Variants in FAM135B observed in about 807,000 individuals in gnomAD.
FAM135B encodes the protein protein FAM135B.
FAM135B carries 43 observed loss-of-function variants against 127.7 expected under a neutral mutation model. The observed-to-expected ratio is 0.34, with a 90% CI of 0.26 to 0.43. The LOEUF is 0.43. Ranked by LOEUF, FAM135B falls within the 20% of genes least tolerant of loss-of-function variation. FAM135B has a pLI of 1.00. For missense variants in FAM135B, 1,558 were observed against 1,725.6 expected, an observed-to-expected ratio of 0.90 and a Z score of 1.72; for synonymous variants, 670 against 665.1, an observed-to-expected ratio of 1.01 and a Z score of -0.11.
chr8:138,302,077 C>T (rs1448103990), intron 3 of FAM135B, among the ~76,000 whole-genome samples: 2 of 152,168 alleles, frequency 1.3e-5, no homozygotes, highest in African/African-American at 4.8e-5. Flanking sequence ...TTCCTCATGT[C>T]GGACTCCCTT....
chr8:138,402,719 A>G (rs1833220207), intron 1 of FAM135B, among the ~76,000 whole-genome samples: 1 of 152,176 alleles, frequency 6.6e-6, no homozygotes, highest in African/African-American at 2.4e-5. Context: ...CAGTCACTAT[A>G]CTACACTACC....
At chr8:138,493,220 C>T (rs1469125092) in intron 1 of FAM135B, among the ~76,000 whole-genome samples, 1 of 152,098 alleles carries the variant, frequency 6.6e-6, no homozygotes, top group African/African-American at 2.4e-5. Flanking sequence ...CAGATATTAG[C>T]GATGTCCGTG....
chr8:138,220,646 G>A (rs1221592647), intron 7 of FAM135B, among the ~76,000 whole-genome samples: 2 of 151,974 alleles, frequency 1.3e-5, no homozygotes, highest in Non-Finnish European at 2.9e-5. Flanking sequence ...AGAGGGTGAG[G>A]GGGATGGTAA....
At chr8:138,217,663 C>A (rs1268118117) in intron 7 of FAM135B, among the ~76,000 whole-genome samples, 1 of 152,078 alleles carries the variant, frequency 6.6e-6, no homozygotes, top group Non-Finnish European at 1.5e-5. Context: ...AATCTCCTGA[C>A]CTTGTGATCC....
At chr8:138,363,478 C>T (rs1270281590) in intron 2 of FAM135B, among the ~76,000 whole-genome samples, 1 of 152,078 alleles carries the variant, frequency 6.6e-6, no homozygotes, top group Non-Finnish European at 1.5e-5. Context: ...TACTTCCCTG[C>T]CCCTGACTTT....
At chr8:138,249,345 C>A (rs796671827) in intron 6 of FAM135B, among the ~76,000 whole-genome samples, 1 of 152,150 alleles carries the variant, frequency 6.6e-6, no homozygotes, top group Non-Finnish European at 1.5e-5. Flanking sequence ...AATCTTGTAA[C>A]ATTTTCTACC....
intron 1 of FAM135B, among the ~76,000 whole-genome samples, chr8:138,422,122 A>G (rs535228309): frequency 2.1e-3 from 327 of 152,338 alleles, no homozygotes; most frequent in African/African-American, 6.6e-3. Flanking sequence ...AAGTCAACAC[A>G]AAATGGATTA....
chr8:138,420,255 A>G (rs1221695400), intron 1 of FAM135B, among the ~76,000 whole-genome samples: 1 of 152,150 alleles, frequency 6.6e-6, no homozygotes, highest in African/African-American at 2.4e-5. Context: ...CCTACAAGAA[A>G]TTGATAAAAT....
At chr8:138,336,378 A>G (rs552700643) in intron 2 of FAM135B, among the ~76,000 whole-genome samples, 1 of 152,328 alleles carries the variant, frequency 6.6e-6, no homozygotes, top group African/African-American at 2.4e-5. Flanking sequence ...ATAAAGAAGA[A>G]AAGAAAGAAG....
chr8:138,289,452 C>G (rs1003921056), intron 3 of FAM135B, among the ~76,000 whole-genome samples: 19 of 152,236 alleles, frequency 1.2e-4, no homozygotes, highest in African/African-American at 4.3e-4. Context: ...CCTCACTCCA[C>G]TTCTGTCTGC....
intron 1 of FAM135B, among the ~76,000 whole-genome samples, chr8:138,415,277 A>G (rs1021709603): frequency 1.3e-5 from 2 of 152,154 alleles, no homozygotes; most frequent in African/African-American, 4.8e-5. Context: ...TGCAAATCTA[A>G]GTTGGTGGGC....
At chr8:138,247,403 G>A (rs186490496) in intron 6 of FAM135B, among the ~76,000 whole-genome samples, 283 of 152,304 alleles carry the variant, frequency 1.9e-3, no homozygotes, top group African/African-American at 6.6e-3. Flanking sequence ...TTGTGATAGT[G>A]AGTGAGTGCT....
At chr8:138,311,467 C>T (rs1020420088) in intron 2 of FAM135B, among the ~76,000 whole-genome samples, 1 of 152,186 alleles carries the variant, frequency 6.6e-6, no homozygotes, top group Non-Finnish European at 1.5e-5. Context: ...GGACAATGTG[C>T]AGGTTCTCCT....
chr8:138,411,173 C>T (rs535108018), intron 1 of FAM135B, among the ~76,000 whole-genome samples: 9 of 151,716 alleles, frequency 5.9e-5, no homozygotes, highest in Middle Eastern at 3.4e-3. Context: ...AAAGAGCCCA[C>T]GTCACCAAGT....
chr8:138,159,563 C>T (rs11166789), intron 12 of FAM135B, among the ~76,000 whole-genome samples: 101,331 of 146,450 alleles, frequency 0.69, 35,061 homozygotes, highest in East Asian at 0.79. Flanking sequence ...ATGAGAACAC[C>T]TGGACACAGG....
intron 9 of FAM135B, among the ~76,000 whole-genome samples, chr8:138,187,147 A>C (rs756363615): frequency 1.3e-5 from 2 of 151,942 alleles, no homozygotes; most frequent in African/African-American, 2.4e-5. Flanking sequence ...CTCAAGATTC[A>C]CTCCCTTTCC....
At position 138,259,157 on chromosome 8, in the gene FAM135B, G is replaced by A. The variant is rs191237245; in HGVS notation, c.298-2398C>T. On this transcript the variant is annotated intron_variant, in intron 4 of 19. Transcript: ENST00000395297. ...GTCCCACATCCCAAATGCTGTCAAGGGCTCCATTTCTTTGGCCTTCTCCCA... is the reference window on the plus strand; with the variant it reads ...GTCCCACATCCCAAATGCTGTCAAGAGCTCCATTTCTTTGGCCTTCTCCCA... 2.1e-4 allele frequency among the ~76,000 whole-genome samples: 32 copies of A among 152,202 alleles called. No homozygotes were observed. In the Middle Eastern group the frequency reaches 0.01, roughly 49 times the overall value.
chr8:138,224,794 T>G (rs1819288237), intron 7 of FAM135B, among the ~76,000 whole-genome samples: 1 of 152,116 alleles, frequency 6.6e-6, no homozygotes, highest in African/African-American at 2.4e-5. Context: ...TGAAGGACAT[T>G]ATTAAATAGG....
rs533426914 is a variant in FAM135B, at chr8:138,306,985, T to A, written c.157+3856A>T. Among the ~76,000 whole-genome samples the A allele has an allele frequency of 8.5e-5, 13 of 152,294 alleles. No individual in the cohort carries two copies. In the South Asian group the frequency reaches 1.7e-3, roughly 19 times the overall value. On this transcript the variant is annotated intron_variant, in intron 3 of 19. Transcript: ENST00000395297. The stretch of plus-strand genomic sequence containing the variant: ...GCTGGTTGTCCCAGCCATTCCTGTA[T>A]CCCACTCTCTTATCGTCCATCGATG...
Sources: gnomAD v4.1 joint callset for allele counts (sites outside exome capture counted in the v4.1 genomes callset) on GRCh38, gnomAD v4.1.1 for gene constraint, MANE v1.5 for transcripts, NCBI Gene and HGNC (gene_info 2026-07-23, HGNC 2026-07-21) for gene names.